The following NCBP2 variants were observed in gnomAD, a reference collection of about 807,000 sequenced individuals.
NCBP2 encodes the protein nuclear cap-binding protein subunit 2.
Under a neutral mutation model 21.5 loss-of-function variants are expected in NCBP2, and 8 were observed. The ratio of observed to expected loss-of-function variants is 0.37; its 90% confidence interval spans 0.22 to 0.67. The LOEUF is 0.67. Among genes scored for constraint, NCBP2 ranks in the 30% least tolerant of loss-of-function variants. NCBP2 has a pLI of 0.56. For missense variants in NCBP2, 127 were observed against 206.9 expected (o/e 0.61, Z 2.37); for synonymous variants, 92 against 75.8 (o/e 1.21, Z -1.11).
intron 1 of NCBP2, chr3:196,941,896 G>A (rs1314441940): frequency 6.5e-7 from 1 of 1,535,426 alleles, no homozygotes. Context: ...AAGCTTCCCC[G>A]AGGGCGGAGT....
chr3:196,940,937 G>A (rs1352471382), intron 1 of NCBP2: 1 of 152,256 alleles, frequency 6.6e-6, no homozygotes, highest in Non-Finnish European at 1.5e-5. Context: ...TTAGCTGGAT[G>A]TGGTGGCGCG....
At chr3:196,937,887 T>C (rs547182514) in intron 2 of NCBP2, 2 of 520,592 alleles carry the variant, frequency 3.8e-6, no homozygotes, top group East Asian at 3.4e-5. Flanking sequence ...TTGATAATTT[T>C]TGGTCCCATC....
chr3:196,941,573 C>A (rs912732361), intron 1 of NCBP2: 7 of 348,702 alleles, frequency 2.0e-5, no homozygotes, highest in South Asian at 8.8e-5. Flanking sequence ...TATGAGCTCG[C>A]AGAGCGCAGA....
At position 196,942,496 on chromosome 3, in the gene NCBP2, C is replaced by T; in HGVS notation, c.8G>A (p.Gly3Asp). 6.2e-7 allele frequency: 1 copy of T among 1,613,278 alleles called. No homozygotes were observed. Among genetic ancestry groups the T allele is most frequent in the Non-Finnish European group, 8.5e-7 (1 of 1,179,884 alleles). ...GCTGCGCAGCGCCTTCAGGAGGCCA[C>T]CCGACATAGTGCAGAGAAGCGGACC... MS[G>D]GLLKALRSDS... is the part of the protein sequence containing the mutation. Residue 3 changes from glycine (G) to aspartate (D), a missense_variant, in exon 1 of 4, where the codon GGT (glycine) becomes GAT (aspartate). By Grantham distance (94) the Gly-to-Asp change is moderately conservative. Transcript: ENST00000321256.
Position 196,936,857 on chromosome 3 carries a change from A to G in NCBP2, c.*154T>C, listed in dbSNP as rs1716288029. The stretch of plus-strand genomic sequence containing the variant: ...ACAAGAATTAAAGGCATTCTTTTGG[A>G]TTCTGTCCTTTAATAACTTTCAGAG... On this transcript the variant is annotated 3_prime_UTR_variant, in exon 4 of 4. Coordinates refer to ENST00000321256, the MANE Select transcript of NCBP2 (RefSeq NM_007362.5). The G allele has an allele frequency of 1.2e-5, 8 of 675,108 alleles. No individual in the cohort carries two copies. Among genetic ancestry groups the G allele is most frequent in the South Asian group, 1.1e-4 (6 of 55,294 alleles). The allele number at this position is 675,108 out of a possible 1,614,324, so 41.8% of individuals were successfully genotyped here.
chr3:196,941,670 G>C (rs551941120), intron 1 of NCBP2: 1 of 571,766 alleles, frequency 1.7e-6, no homozygotes, highest in Non-Finnish European at 3.1e-6. Flanking sequence ...GGGTTAATGA[G>C]TCCCGCCCCG....
chr3:196,938,446 T>C (rs1716367843), intron 2 of NCBP2: 1 of 152,120 alleles, frequency 6.6e-6, no homozygotes, highest in South Asian at 2.1e-4. Flanking sequence ...GCCTGCAAAA[T>C]TTCTCAGAAT....
chr3:196,938,026 G>C (rs1046369863), intron 2 of NCBP2: 1 of 181,196 alleles, frequency 5.5e-6, no homozygotes, highest in African/African-American at 2.3e-5. Context: ...CCGTGCACGT[G>C]GAATTGTGCT....
Position 196,939,424 on chromosome 3 carries a change from A to G in NCBP2, c.87T>C (p.Asn29=), listed in dbSNP as rs1180654634. 1 of 1,603,520 alleles carries G rather than the reference A, an allele frequency of 6.2e-7. No individual in the cohort carries two copies. Among genetic ancestry groups the G allele is most frequent in the Non-Finnish European group, 8.5e-7 (1 of 1,175,078 alleles). ...QYRDQHFRGD[N]EEQEKLLKKS... Reference sequence around the variant, plus strand: ...TCTTCAGTAATTTTTCTTGTTCTTCATTGTCACCCTAGAATTTCAAATAGA... The same window carrying G: ...TCTTCAGTAATTTTTCTTGTTCTTCGTTGTCACCCTAGAATTTCAAATAGA... Residue 29 remains asparagine (N), a synonymous_variant, in exon 2 of 4, where the codon AAT becomes AAC. Transcript: ENST00000321256.
At chr3:196,939,016 T>C in intron 2 of NCBP2, 1 of 430,066 alleles carries the variant, frequency 2.3e-6, no homozygotes, top group Non-Finnish European at 4.1e-6. Context: ...ATTTTTTTTT[T>C]TTTACGTGAA....
Position 196,939,511 on chromosome 3 carries a change from T to A in NCBP2, c.79-79A>T. 2.8e-6 allele frequency: 3 copies of A among 1,076,294 alleles called. No homozygotes were observed. In the South Asian group the frequency reaches 5.0e-5, roughly 18 times the overall value. 66.7% of individuals were successfully genotyped at this position (1,076,294 alleles called of 1,614,324 possible). On this transcript the variant is annotated intron_variant, in intron 1 of 3. Coordinates refer to ENST00000321256, the MANE Select transcript of NCBP2 (RefSeq NM_007362.5). ...AGTATTTCTAAGTACGGTAGAGACA[T>A]TCATTAATTCTGGTTTGGAAATCAA... is the stretch of plus-strand genomic sequence containing the variant.
At chr3:196,940,408 T>C (rs1235980815) in intron 1 of NCBP2, among the ~76,000 whole-genome samples, 1 of 144,402 alleles carries the variant, frequency 6.9e-6, no homozygotes, top group Non-Finnish European at 1.5e-5. Flanking sequence ...AGTCATTGTA[T>C]GTTAAAAAGA....
chr3:196,940,287 G>A (rs1005588935), intron 1 of NCBP2, among the ~76,000 whole-genome samples: 1 of 152,074 alleles, frequency 6.6e-6, no homozygotes, highest in Non-Finnish European at 1.5e-5. Flanking sequence ...CAGGAGAATC[G>A]CTTGAACCTG....
In NCBP2 at chr3:196,942,190, G is replaced by A. The variant is rs1716622787; in HGVS notation, c.78+236C>T. On this transcript the variant is annotated intron_variant, in intron 1 of 3. Coordinates refer to ENST00000321256, the MANE Select transcript of NCBP2 (RefSeq NM_007362.5). ...GGCACTGGCTGGGGTACAGGGAGCG[G>A]CTGCGAGCGAATGGGATAAGCGAGC... 3.3e-5 allele frequency: 48 copies of A among 1,454,510 alleles called. No homozygotes were observed. In the South Asian group the frequency reaches 6.6e-4, roughly 20 times the overall value. 90.1% of individuals were successfully genotyped at this position (1,454,510 alleles called of 1,614,324 possible).
chr3:196,939,608 T>G (rs143231468), intron 1 of NCBP2, among the ~76,000 whole-genome samples, 176 bp from the exon 2 acceptor site: 1,619 of 152,344 alleles, frequency 0.011, 21 homozygotes, highest in African/African-American at 0.031. Context: ...GAAGCACTTA[T>G]GCGAAGTCCA....
intron 2 of NCBP2, chr3:196,938,968 C>T: frequency 3.1e-6 from 1 of 327,658 alleles, no homozygotes; most frequent in East Asian, 6.0e-5. Context: ...GGGTTTAGAA[C>T]AGTACGAGAT....
intron 1 of NCBP2, chr3:196,942,180 A>G (rs1213883934): frequency 1.4e-6 from 2 of 1,456,470 alleles, no homozygotes; most frequent in South Asian, 1.4e-5. Context: ...TGGCTGGGGT[A>G]CAGGGAGCGG....
chr3:196,942,316 G>C (rs770455137), intron 1 of NCBP2, 110 bp downstream of exon 1: 1 of 1,533,910 alleles, frequency 6.5e-7, no homozygotes, highest in Non-Finnish European at 8.8e-7. Context: ...GGCCCCACTT[G>C]GCGTTTGCGG....
chr3:196,937,371 G>T, intron 3 of NCBP2, 139 bp downstream of exon 3: 1 of 1,295,940 alleles, frequency 7.7e-7, no homozygotes, highest in Non-Finnish European at 1.1e-6. Context: ...CAAACCGTTG[G>T]GTGGTTTTCA....
Sources: allele counts gnomAD v4.1 joint callset (sites outside exome capture counted in the v4.1 genomes callset), GRCh38; gene constraint gnomAD v4.1.1; transcripts MANE v1.5; gene names NCBI Gene and HGNC (gene_info 2026-07-23, HGNC 2026-07-21).